MYLK4: variants seen among roughly 807,000 people sequenced by gnomAD.
MYLK4 encodes caMLCK like.
MYLK4 carries 46 observed loss-of-function variants against 48.1 expected under a neutral mutation model. The observed-to-expected ratio is 0.96, with a 90% CI of 0.75 to 1.22. MYLK4 has a LOEUF of 1.22. MYLK4 is among the 50% of genes most tolerant of loss of function. MYLK4 has a pLI of 0.00. For missense variants in MYLK4, 451 were observed against 486.1 expected, an observed-to-expected ratio of 0.93 and a Z score of 0.68; for synonymous variants, 170 against 180.8, an observed-to-expected ratio of 0.94 and a Z score of 0.48.
chr6:2,765,820 GC>G, the MYLK4 span: 1 of 1,355,098 alleles, frequency 7.4e-7, no homozygotes, highest in South Asian at 1.8e-5. Flanking sequence ...GGCCCTCGCC[GC>G]CCGGCGCCAA....
intron 2 of MYLK4, among the ~76,000 whole-genome samples, chr6:2,744,615 C>G (rs533320096): frequency 4.1e-4 from 63 of 152,282 alleles, no homozygotes; most frequent in Non-Finnish European, 7.6e-4. Flanking sequence ...ATAGGAAAAT[C>G]CACACTTTAC....
chr6:2,706,111 G>C (rs1281543176), intron 2 of MYLK4, among the ~76,000 whole-genome samples: 1 of 152,150 alleles, frequency 6.6e-6, no homozygotes, highest in Non-Finnish European at 1.5e-5. Context: ...AAATGTCATA[G>C]GACATTGCAA....
chr6:2,768,376 G>C, the MYLK4 span, among the ~76,000 whole-genome samples: 1 of 152,178 alleles, frequency 6.6e-6, no homozygotes, highest in South Asian at 2.1e-4. Context: ...GCTAAATCAA[G>C]ACAGCCGTTC....
At position 2,683,252 on chromosome 6, in the gene MYLK4, A is replaced by C; in HGVS notation, c.546-90T>G. 1.4e-6 allele frequency: 2 copies of C among 1,407,866 alleles called. 1 individual carries two copies. The highest frequency in any genetic ancestry group is 2.5e-5 in the South Asian group (2 of 80,140). The allele number at this position is 1,407,866 out of a possible 1,614,324, so 87.2% of individuals were successfully genotyped here. ...AGTGACTTGTCGTGCAAGTTCTGCT[A>C]CCTCTTCTGAAAGGTGTATGTGCAG... On this transcript the variant is annotated intron_variant, in intron 6 of 12. Transcript: ENST00000274643.
intron 9 of MYLK4, among the ~76,000 whole-genome samples, chr6:2,678,793 C>T (rs1308347789): frequency 6.6e-6 from 1 of 151,308 alleles, no homozygotes; most frequent in Non-Finnish European, 1.5e-5. Context: ...TCACTGCAAC[C>T]TCCACCTCCT....
intron 2 of MYLK4, among the ~76,000 whole-genome samples, chr6:2,725,587 G>A (rs1209767139): frequency 6.5e-4 from 59 of 90,130 alleles, no homozygotes; most frequent in African/African-American, 2.5e-3. Flanking sequence ...AAAAGAAAGA[G>A]AAAGAAAGAA....
intron 2 of MYLK4, among the ~76,000 whole-genome samples, chr6:2,742,387 T>C (rs9392424): frequency 0.68 from 103,931 of 151,750 alleles, 35,722 homozygotes; most frequent in Middle Eastern, 0.71. Flanking sequence ...CAAAGGATTA[T>C]AAATCATGCT....
At position 2,688,872 on chromosome 6, in the gene MYLK4, C is replaced by T. The variant is rs754159123; in HGVS notation, c.320G>A (p.Ser107Asn). 1.2e-6 allele frequency: 2 copies of T among 1,614,128 alleles called. No homozygotes were observed. Among genetic ancestry groups the T allele is most frequent in the Non-Finnish European group, 1.7e-6 (2 of 1,179,954 alleles). Residue 107 changes from serine (S) to asparagine (N), a missense_variant, in exon 4 of 13, where the codon AGC (serine) becomes AAC (asparagine). Coordinates refer to ENST00000274643, the MANE Select transcript of MYLK4 (RefSeq NM_001012418.5). ...QGAVNSFYTV[S>N]KTEILGGGRF... ...TCACCCTCCTAGGATTTCTGTCTTGCTCACAGTATAGAAGCTGTTGACCGC... is the reference window on the plus strand; with the variant it reads ...TCACCCTCCTAGGATTTCTGTCTTGTTCACAGTATAGAAGCTGTTGACCGC...
At chr6:2,730,714 G>GA (rs1285475717) in intron 2 of MYLK4, among the ~76,000 whole-genome samples, 4 of 149,826 alleles carry the variant, frequency 2.7e-5, no homozygotes, top group South Asian at 2.1e-4. Context: ...TTTGCAAAAG[G>GA]AAAAAAAATA....
chr6:2,712,706 C>T (rs940183317), intron 2 of MYLK4, among the ~76,000 whole-genome samples: 3 of 152,204 alleles, frequency 2.0e-5, no homozygotes, highest in Non-Finnish European at 4.4e-5. Context: ...CTTCACAGAG[C>T]CAGACGGCTG....
At chr6:2,686,833 G>A (rs9503252) in intron 4 of MYLK4, among the ~76,000 whole-genome samples, 20,879 of 152,116 alleles carry the variant, frequency 0.14, 1,546 homozygotes, top group East Asian at 0.26. Context: ...GGGAACACAC[G>A]GACACAGCCC....
intron 7 of MYLK4, among the ~76,000 whole-genome samples, chr6:2,682,548 T>C (rs1360495011): frequency 2.0e-5 from 3 of 152,134 alleles, no homozygotes; most frequent in Non-Finnish European, 4.4e-5. Context: ...AGGATTCTAT[T>C]CCACAGGGCA....
the MYLK4 span, among the ~76,000 whole-genome samples, chr6:2,762,016 A>T: frequency 6.6e-6 from 1 of 151,988 alleles, no homozygotes; most frequent in African/African-American, 2.4e-5. Flanking sequence ...GATTCAAGTA[A>T]TTCTCCTGCC....
intron 2 of MYLK4, among the ~76,000 whole-genome samples, chr6:2,743,725 T>C (rs1443614849): frequency 6.6e-6 from 1 of 152,178 alleles, no homozygotes; most frequent in African/African-American, 2.4e-5. Flanking sequence ...TTGGTGCAAG[T>C]GTTTGAAATG....
rs771937984 is a variant in MYLK4 at position 2,688,804 on chromosome 6, C to T, written c.341+47G>A. The T allele has an allele frequency of 2.8e-5, 41 of 1,471,300 alleles. 1 individual carries two copies. Among genetic ancestry groups the T allele is most frequent in the South Asian group, 2.5e-4 (22 of 87,616 alleles). 91.1% of individuals were successfully genotyped at this position (1,471,300 alleles called of 1,614,324 possible). On this transcript the variant is annotated intron_variant, in intron 4 of 12. Coordinates refer to ENST00000274643, the MANE Select transcript of MYLK4 (RefSeq NM_001012418.5). ...GCAGACATTTACGAAGTCATTTGCA[C>T]GCTCTCTTCTTTTGTTGAGAGAATA...
chr6:2,734,617 TACACTCATACACATATACATATTATAC>T (rs1763601892), intron 2 of MYLK4, among the ~76,000 whole-genome samples: 3 of 152,200 alleles, frequency 2.0e-5, no homozygotes, highest in Non-Finnish European at 4.4e-5. Context: ...ATATATAATA[TACACTCATACACATATACATATTATAC>T]ACACACATAC....
At chr6:2,731,479 C>A (rs753269475) in intron 2 of MYLK4, among the ~76,000 whole-genome samples, 1 of 152,170 alleles carries the variant, frequency 6.6e-6, no homozygotes, top group Non-Finnish European at 1.5e-5. Flanking sequence ...TTGCTGAGCG[C>A]CTCCTATGTG....
chr6:2,743,402 G>C (rs1763963404), intron 2 of MYLK4, among the ~76,000 whole-genome samples: 1 of 152,132 alleles, frequency 6.6e-6, no homozygotes, highest in Non-Finnish European at 1.5e-5. Context: ...CCAGAATTCT[G>C]CTACGCTTCT....
chr6:2,723,031 CCTTCGATCCCAGCA>C (rs1243135149), intron 2 of MYLK4, among the ~76,000 whole-genome samples: 1 of 152,076 alleles, frequency 6.6e-6, no homozygotes, highest in African/African-American at 2.4e-5. Flanking sequence ...GTGGCTCACA[CCTTCGATCCCAGCA>C]CTTTGGGAGG....
Sources: gnomAD v4.1 joint callset for allele counts (sites outside exome capture counted in the v4.1 genomes callset) on GRCh38, gnomAD v4.1.1 for gene constraint, MANE v1.5 for transcripts, NCBI Gene and HGNC (gene_info 2026-07-23, HGNC 2026-07-21) for gene names.